Variants in CREBBP observed in about 807,000 individuals in gnomAD.
CREBBP encodes the protein CREB-binding protein.
Under a neutral mutation model 265.0 loss-of-function variants are expected in CREBBP, and 19 were observed. The ratio of observed to expected loss-of-function variants is 0.07; its 90% CI spans 0.05 to 0.11. The LOEUF is 0.11. Among genes scored for constraint, CREBBP ranks in the 10% least tolerant of loss-of-function variants. The probability of loss-of-function intolerance (pLI) is 1.00; values close to 1 mark genes in which losing one functional copy is unlikely to be tolerated. For synonymous variants in CREBBP, 1,457 were observed against 1,223.7 expected (o/e 1.19, Z -3.98); for missense variants, 2,525 against 3,219.0 (o/e 0.78, Z 5.22).
At chr16:3,825,528 T>A (rs928131557) in intron 2 of CREBBP, among the ~76,000 whole-genome samples, 2 of 152,122 alleles carry the variant, frequency 1.3e-5, no homozygotes, top group Admixed American at 6.6e-5. Flanking sequence ...CAGCTCTAAG[T>A]GGAGGGCTCT....
In CREBBP at chr16:3,726,154, G is replaced by A. The variant is rs1398461314; in HGVS notation, c.*1564C>T. Reference sequence around the variant, plus strand: ...TCAAACGCCACACGGGACATGCTGCGCGGCAGCGGCAGGATTTGGGGGGAA... The same window carrying A: ...TCAAACGCCACACGGGACATGCTGCACGGCAGCGGCAGGATTTGGGGGGAA... On this transcript the variant is annotated 3_prime_UTR_variant, in exon 31 of 31. Coordinates refer to ENST00000262367, the MANE Select transcript of CREBBP (RefSeq NM_004380.3). 11 of 232,120 alleles carry A rather than the reference G, an allele frequency of 4.7e-5. No individual in the cohort carries two copies. The highest frequency in any genetic ancestry group is 6.8e-5 in the Non-Finnish European group (8 of 117,440). The allele number at this position is 232,120 out of a possible 1,614,324, so 14.4% of individuals were successfully genotyped here. A position where few individuals can be genotyped will look rare whatever the true frequency, so the allele number is the denominator to read the frequency against.
In CREBBP at chr16:3,774,633, C is replaced by T. The variant is rs1206236240; in HGVS notation, c.2219G>A (p.Gly740Glu). 2 of 1,614,030 alleles carry T rather than the reference C, an allele frequency of 1.2e-6. No individual in the cohort carries two copies. Among genetic ancestry groups the T allele is most frequent in the East Asian group, 2.2e-5 (1 of 44,900 alleles). Residue 740 changes from glycine (G) to glutamate (E), a missense_variant, in exon 12 of 31, where the codon GGA (glycine) becomes GAA (glutamate). By Grantham distance (98) the Gly-to-Glu change is moderately conservative. This residue lies in a region of CREBBP where 548 missense variants were observed against 533.0 expected (regional missense o/e 1.03). Coordinates refer to ENST00000262367, the MANE Select transcript of CREBBP (RefSeq NM_004380.3). ...GTTCATTGGGGAGGCTGCACGAGGT[C>T]CCATGGGTGCTTGTGGCAACTGGAC... is the stretch of plus-strand genomic sequence containing the variant. ...GNVQLPQAPM[G>E]PRAASPMNHS...
chr16:3,787,629 G>GT (rs113867107), intron 5 of CREBBP, among the ~76,000 whole-genome samples: 181 of 145,710 alleles, frequency 1.2e-3, no homozygotes, highest in East Asian at 6.3e-3. Flanking sequence ...AAAAAAGGAG[G>GT]TTTTTTTTTT....
At position 3,757,153 on chromosome 16, in the gene CREBBP, C is replaced by T. The variant is rs2052605289; in HGVS notation, c.3698+135G>A. ...CCTCCCAAAGTGCTGGGATTACAGGCGTGAGCCACCACACCCGGCCTGAAA... is the reference window on the plus strand; with the variant it reads ...CCTCCCAAAGTGCTGGGATTACAGGTGTGAGCCACCACACCCGGCCTGAAA... On this transcript the variant is annotated intron_variant, in intron 19 of 30. Coordinates refer to ENST00000262367, the MANE Select transcript of CREBBP (RefSeq NM_004380.3). 12 of 742,224 alleles carry T rather than the reference C, an allele frequency of 1.6e-5. No individual in the cohort carries two copies. The East Asian group carries it at 1.6e-4, about 10-fold the overall frequency. 46.0% of individuals were successfully genotyped at this position (742,224 alleles called of 1,614,324 possible).
chr16:3,809,623 C>T (rs2053897361), intron 3 of CREBBP, among the ~76,000 whole-genome samples: 1 of 152,138 alleles, frequency 6.6e-6, no homozygotes, highest in Non-Finnish European at 1.5e-5. Flanking sequence ...AACTTCTAAG[C>T]ACTGTAAGCA....
At chr16:3,847,182 G>C (rs888210043) in intron 2 of CREBBP, among the ~76,000 whole-genome samples, 7 of 152,094 alleles carry the variant, frequency 4.6e-5, no homozygotes, top group Non-Finnish European at 7.4e-5. Context: ...GGCCATCTAA[G>C]GTACACTGCC....
intron 2 of CREBBP, among the ~76,000 whole-genome samples, chr16:3,825,785 T>C (rs928001579): frequency 6.6e-6 from 1 of 152,240 alleles, no homozygotes; most frequent in African/African-American, 2.4e-5. Flanking sequence ...AGACAAAGTT[T>C]TCATTAAAAT....
At chr16:3,842,693 G>A (rs1355783979) in intron 2 of CREBBP, among the ~76,000 whole-genome samples, 4 of 151,958 alleles carry the variant, frequency 2.6e-5, no homozygotes, top group South Asian at 2.1e-4. Context: ...GGCAGTGCAC[G>A]GTGGCTCATG....
At position 3,727,035 on chromosome 16, in the gene CREBBP, G is replaced by A; in HGVS notation, c.*683C>T. 4.3e-6 allele frequency: 1 copy of A among 233,982 alleles called. No homozygotes were observed. The highest frequency in any genetic ancestry group is 8.5e-6 in the Non-Finnish European group (1 of 118,288). 14.5% of individuals were successfully genotyped at this position (233,982 alleles called of 1,614,324 possible). A position where few individuals can be genotyped will look rare whatever the true frequency, so the allele number is the denominator to read the frequency against. ...AGTAACATTAGCATGGTCTAAGAGT[G>A]ATCATCCCTATTTTTTGTCTAAAAC... is the stretch of plus-strand genomic sequence containing the variant. On this transcript the variant is annotated 3_prime_UTR_variant, in exon 31 of 31. Transcript: ENST00000262367.
At chr16:3,868,374 AC>A (rs1336136722) in intron 1 of CREBBP, among the ~76,000 whole-genome samples, 1 of 134,830 alleles carries the variant, frequency 7.4e-6, no homozygotes, top group Admixed American at 7.2e-5. Context: ...CCTGCCAAAA[AC>A]GGGGCTCAGG....
chr16:3,728,454 A>T lies in CREBBP; in HGVS notation c.6593T>A (p.Leu2198Gln), dbSNP rs2051811996. The T allele has an allele frequency of 6.2e-7, 1 of 1,612,780 alleles. No homozygotes were observed. Among genetic ancestry groups the T allele is most frequent in the Non-Finnish European group, 8.5e-7 (1 of 1,179,668 alleles). ...CTGCTGCTGTTGCTGCTGCTGCTGCAGCAGCTGCCTCCGTAACATTTCTCG... is the reference window on the plus strand; with the variant it reads ...CTGCTGCTGTTGCTGCTGCTGCTGCTGCAGCTGCCTCCGTAACATTTCTCG... ...QYREMLRRQL[L>Q]QQQQQQQQQQ... Residue 2198 changes from leucine (L) to glutamine (Q), a missense_variant, in exon 31 of 31, where the codon CTG (leucine) becomes CAG (glutamine). Around this residue, in one of 19 missense-constraint regions of CREBBP, gnomAD observed 473 missense variants for 459.3 expected, o/e 1.03. Transcript: ENST00000262367. This position sits in a 1 kb window ranked among gnomAD's most constrained non-coding sequence, Gnocchi z 8.7.
rs777713620 is a variant in CREBBP at position 3,767,731 on chromosome 16, G to C, written c.3239C>G (p.Pro1080Arg). 1 of 1,614,084 alleles carries C rather than the reference G, an allele frequency of 6.2e-7. No individual in the cohort carries two copies. The highest frequency in any genetic ancestry group is 8.5e-7 in the Non-Finnish European group (1 of 1,179,986). The stretch of plus-strand genomic sequence containing the variant: ...AATAAATGGCCTACTTTTTTTGCGC[G>C]GCTGCGAAGGAGATGTTGACTGAGA... ...TASQSTSPSQ[P>R]RKKIFKPEEL... The change falls in exon 16 of 31, where the codon CCG becomes CGG. Residue 1080 changes from proline (P) to arginine (R), a missense_variant. Coordinates refer to ENST00000262367, the MANE Select transcript of CREBBP (RefSeq NM_004380.3).
chr16:3,782,646 G>A lies in CREBBP; in HGVS notation c.1573+38C>T, dbSNP rs371987624. On this transcript the variant is annotated intron_variant, in intron 6 of 30. Transcript: ENST00000262367. ...TCACTCCATTCCCTTTGCTGCATGT[G>A]GACAAGTAAGAACGAAGTTGAGAGT... 2.7e-5 allele frequency: 44 copies of A among 1,612,102 alleles called. No homozygotes were observed. The African/African-American group carries it at 5.5e-4, about 20-fold the overall frequency.
At chr16:3,864,875 T>C (rs150048550) in intron 1 of CREBBP, among the ~76,000 whole-genome samples, 3,294 of 152,354 alleles carry the variant, frequency 0.022, 111 homozygotes, top group African/African-American at 0.073. Flanking sequence ...GAGGCCAGCC[T>C]GGCCAACATG....
chr16:3,770,800 C>T lies in CREBBP; in HGVS notation c.2650G>A (p.Ala884Thr), dbSNP rs2141202234. The T allele has an allele frequency of 6.2e-7, 1 of 1,614,024 alleles. No homozygotes were observed. The highest frequency in any genetic ancestry group is 8.5e-7 in the Non-Finnish European group (1 of 1,180,012). Residue 884 changes from alanine to threonine, a missense_variant, in exon 14 of 31, where the codon GCT (alanine) becomes ACT (threonine). Physicochemically the swap from Ala to Thr is moderately conservative, Grantham distance 58. Around this residue, in one of 19 missense-constraint regions of CREBBP, gnomAD observed 548 missense variants for 533.0 expected, o/e 1.03. Transcript: ENST00000262367. ...ACAGGAGTTGATGGCTGAGTGGGAG[C>T]TGCTGGCTGGGGAGGAGTCATCCCA... is the stretch of plus-strand genomic sequence containing the variant. ...PPGMTPPQPA[A>T]PTQPSTPVSS...
chr16:3,776,376 C>T (rs1437884823), intron 11 of CREBBP, among the ~76,000 whole-genome samples: 1 of 152,046 alleles, frequency 6.6e-6, no homozygotes, highest in Non-Finnish European at 1.5e-5. Flanking sequence ...GCTCCCTGCC[C>T]CAAAATAAAA....
chr16:3,831,669 C>A (rs891276011), intron 2 of CREBBP, among the ~76,000 whole-genome samples: 1 of 152,032 alleles, frequency 6.6e-6, no homozygotes, highest in Non-Finnish European at 1.5e-5. Context: ...AGAGAGCACA[C>A]CAGACATTAT....
rs2151330254 is a variant in CREBBP at position 3,736,824 on chromosome 16, C to A, written c.4395-9G>T. On this transcript the variant is annotated splice_polypyrimidine_tract_variant and intron_variant, in intron 26 of 30. Transcript: ENST00000262367. ...TGTGCCCTGTCACATACCTGCAGGA[C>A]CCACGCACACACGTCAGATGAACGT... 6.2e-7 allele frequency: 1 copy of A among 1,614,108 alleles called. No homozygotes were observed. The highest frequency in any genetic ancestry group is 2.2e-5 in the East Asian group (1 of 44,874).
intron 16 of CREBBP, among the ~76,000 whole-genome samples, chr16:3,766,592 C>T (rs1048551464): frequency 2.6e-5 from 4 of 151,334 alleles, no homozygotes; most frequent in Admixed American, 2.6e-4. Flanking sequence ...GTGATGTGAT[C>T]TGGGCTCACT....
Sources: gnomAD v4.1 joint callset for allele counts (sites outside exome capture counted in the v4.1 genomes callset) on GRCh38, gnomAD v4.1.1 for gene constraint, gnomAD v4.1.1 regional missense constraint, Gnocchi (gnomAD v3.1) non-coding constraint, MANE v1.5 for transcripts, NCBI Gene and HGNC (gene_info 2026-07-23, HGNC 2026-07-21) for gene names.